The following ANGPT1 variants were observed in gnomAD, a reference collection of about 807,000 sequenced individuals.
ANGPT1 encodes the protein angiopoietin 1.
Under a neutral mutation model 62.2 loss-of-function variants are expected in ANGPT1, and 17 were observed. That is an observed-to-expected ratio of 0.27 (90% CI 0.19 to 0.41). The LOEUF (loss-of-function observed/expected upper bound fraction) is 0.41, where lower values mean the gene tolerates loss of function less well. Ranked by LOEUF, ANGPT1 falls within the 10% of genes least tolerant of loss-of-function variation. The pLI is 1.00. For synonymous variants in ANGPT1, 199 were observed against 198.9 expected, an observed-to-expected ratio of 1.00 and a Z score of 0.00; for missense variants, 478 against 594.9, an observed-to-expected ratio of 0.80 and a Z score of 2.04.
intron 1 of ANGPT1, among the ~76,000 whole-genome samples, chr8:107,353,051 A>C (rs35611738): frequency 0.076 from 11,605 of 152,232 alleles, 471 homozygotes; most frequent in East Asian, 0.11. Flanking sequence ...CTTTTATGAA[A>C]TGGAGAAATA....
At chr8:107,391,172 C>T (rs949467206) in intron 1 of ANGPT1, among the ~76,000 whole-genome samples, 1 of 152,130 alleles carries the variant, frequency 6.6e-6, no homozygotes, top group African/African-American at 2.4e-5. Flanking sequence ...AAATCTGTGG[C>T]CCTAAGATGT....
chr8:107,266,168 C>T (rs891299272), intron 7 of ANGPT1, among the ~76,000 whole-genome samples: 1 of 152,190 alleles, frequency 6.6e-6, no homozygotes, highest in Non-Finnish European at 1.5e-5. Context: ...ACATTTGAGG[C>T]TGCAGCCAGC....
At chr8:107,341,084 C>T (rs1326641248) in intron 2 of ANGPT1, among the ~76,000 whole-genome samples, 1 of 152,074 alleles carries the variant, frequency 6.6e-6, no homozygotes, top group Non-Finnish European at 1.5e-5. Context: ...AATGAACTAT[C>T]GAGATGCAGT....
intron 1 of ANGPT1, among the ~76,000 whole-genome samples, chr8:107,365,278 G>T (rs937173374): frequency 3.9e-5 from 6 of 152,102 alleles, no homozygotes; most frequent in African/African-American, 1.4e-4. Context: ...TTCACTACCG[G>T]AAACTCAGCA....
chr8:107,483,622 A>G (rs968382836), intron 1 of ANGPT1, among the ~76,000 whole-genome samples: 1 of 151,978 alleles, frequency 6.6e-6, no homozygotes, highest in African/African-American at 2.4e-5. Context: ...TTAAGTGATG[A>G]CTCTTCCCCA....
chr8:107,296,801 C>T (rs553274146), intron 5 of ANGPT1, among the ~76,000 whole-genome samples: 1 of 151,976 alleles, frequency 6.6e-6, no homozygotes, highest in African/African-American at 2.4e-5. Flanking sequence ...TGAAAGTTTG[C>T]CAAGTTGTGT....
At chr8:107,279,650 C>G (rs4236786) in intron 7 of ANGPT1, among the ~76,000 whole-genome samples, 114,580 of 151,258 alleles carry the variant, frequency 0.76, 43,707 homozygotes, top group Middle Eastern at 0.83. Flanking sequence ...CTAGCTTAGT[C>G]AGTAATTTGG....
intron 4 of ANGPT1, among the ~76,000 whole-genome samples, chr8:107,319,472 T>C (rs1815100947): frequency 6.6e-6 from 1 of 152,032 alleles, no homozygotes; most frequent in Non-Finnish European, 1.5e-5. Context: ...TTTAGAATAT[T>C]TGATGCGTTT....
intron 5 of ANGPT1, among the ~76,000 whole-genome samples, chr8:107,302,844 C>T (rs974301589): frequency 2.6e-5 from 4 of 151,992 alleles, no homozygotes; most frequent in Admixed American, 2.6e-4. Context: ...TATATCTACC[C>T]CTCCCTCTCC....
chr8:107,290,868 T>C (rs1214219967), intron 6 of ANGPT1, among the ~76,000 whole-genome samples: 4 of 152,202 alleles, frequency 2.6e-5, no homozygotes, highest in African/African-American at 9.6e-5. Context: ...ATGGATATAT[T>C]TGGTAAATAC....
intron 1 of ANGPT1, among the ~76,000 whole-genome samples, chr8:107,470,882 A>G (rs966073929): frequency 2.0e-5 from 3 of 152,302 alleles, no homozygotes; most frequent in Admixed American, 1.3e-4. Context: ...GCAATCATAA[A>G]AAGTCAGGAA....
chr8:107,274,259 A>G (rs962800604), intron 7 of ANGPT1, among the ~76,000 whole-genome samples: 1 of 152,168 alleles, frequency 6.6e-6, no homozygotes, highest in African/African-American at 2.4e-5. Flanking sequence ...CAAGAAATAA[A>G]ACAACTGGCA....
At chr8:107,371,109 C>A (rs568878494) in intron 1 of ANGPT1, among the ~76,000 whole-genome samples, 3 of 152,198 alleles carry the variant, frequency 2.0e-5, no homozygotes, top group East Asian at 1.9e-4. Flanking sequence ...TTGAACCTGG[C>A]GAGATGCCAT....
chr8:107,299,962 CTATATACTAGTT>C (rs1814537872), intron 5 of ANGPT1, among the ~76,000 whole-genome samples: 1 of 132,736 alleles, frequency 7.5e-6, no homozygotes, highest in African/African-American at 2.8e-5. Flanking sequence ...TGTATATATA[CTATATACTAGTT>C]ATATCTAGAT....
In ANGPT1 at chr8:107,351,968, A is replaced by G. The variant is rs533781804; in HGVS notation, c.298-4871T>C. Among the ~76,000 whole-genome samples, 734 of 152,232 alleles carry G rather than the reference A, an allele frequency of 4.8e-3. 5 individuals are homozygous for G. Among genetic ancestry groups the G allele is most frequent in the African/African-American group, 0.017 (702 of 41,564 alleles). On this transcript the variant is annotated intron_variant, in intron 1 of 8. Transcript: ENST00000517746. ...AGGTACTGTAAGTATTATTTTCCTTATTTCACTGATGTCTAAACAGAGGCT... is the reference window on the plus strand; with the variant it reads ...AGGTACTGTAAGTATTATTTTCCTTGTTTCACTGATGTCTAAACAGAGGCT...
chr8:107,395,196 G>A (rs537860437), intron 1 of ANGPT1, among the ~76,000 whole-genome samples: 1 of 152,054 alleles, frequency 6.6e-6, no homozygotes, highest in Non-Finnish European at 1.5e-5. Context: ...CTCTTACCGA[G>A]AATGTAGTTA....
At chr8:107,483,322 T>C (rs1812733689) in intron 1 of ANGPT1, among the ~76,000 whole-genome samples, 1 of 152,134 alleles carries the variant, frequency 6.6e-6, no homozygotes, top group African/African-American at 2.4e-5. Context: ...CTTCTTAGTT[T>C]CTCTCTATAT....
intron 4 of ANGPT1, among the ~76,000 whole-genome samples, chr8:107,317,578 G>C (rs1381966338): frequency 3.3e-5 from 5 of 151,216 alleles, no homozygotes; most frequent in Non-Finnish European, 7.4e-5. Flanking sequence ...CTCAACATGA[G>C]ATGACATTTT....
Position 107,486,820 on chromosome 8 carries a change from AC to A in ANGPT1, c.297+10441del, listed in dbSNP as rs1812827676. On this transcript the variant is annotated intron_variant, in intron 1 of 8. Transcript: ENST00000517746. ...TTAAACTTGCCATAGGAAATAGTGG[AC>A]ACAAACAATGTCCTTGCTTTTAAGT... Among the ~76,000 whole-genome samples, 14 of 152,300 alleles carry A rather than the reference AC, an allele frequency of 9.2e-5. No homozygotes were observed. The South Asian group carries it at 2.9e-3, about 32-fold the overall frequency.
Sources: gnomAD v4.1 joint callset for allele counts (sites outside exome capture counted in the v4.1 genomes callset) on GRCh38, gnomAD v4.1.1 for gene constraint, MANE v1.5 for transcripts, NCBI Gene and HGNC (gene_info 2026-07-23, HGNC 2026-07-21) for gene names.